RPS6KC1: variants seen among roughly 807,000 people sequenced by gnomAD.
The protein encoded by RPS6KC1 is inactive ribosomal protein S6 kinase delta-1.
In RPS6KC1, 54 loss-of-function variants were observed where a neutral mutation model predicts 103.8. That is an observed-to-expected ratio of 0.52 (90% CI 0.42 to 0.65). The LOEUF (loss-of-function observed/expected upper bound fraction) is 0.65. Among genes scored for constraint, RPS6KC1 ranks in the 30% least tolerant of loss-of-function variants. The pLI is 0.00. For synonymous variants in RPS6KC1, 439 were observed against 438.7 expected (o/e 1.00, Z -0.01); for missense variants, 1,151 against 1,253.8 (o/e 0.92, Z 1.24).
the RPS6KC1 span, among the ~76,000 whole-genome samples, chr1:213,495,432 C>T: frequency 5.3e-5 from 8 of 152,168 alleles, no homozygotes; most frequent in Non-Finnish European, 8.8e-5. Context: ...AGCGATTCTC[C>T]TGCCTCAGCC....
chr1:213,075,976 C>T (rs570723238), intron 2 of RPS6KC1, among the ~76,000 whole-genome samples: 1 of 152,260 alleles, frequency 6.6e-6, no homozygotes, highest in Non-Finnish European at 1.5e-5. Flanking sequence ...TGGACTGCCC[C>T]TCTCAGCATT....
chr1:213,827,573 A>G, the RPS6KC1 span, among the ~76,000 whole-genome samples: 1 of 152,254 alleles, frequency 6.6e-6, no homozygotes, highest in African/African-American at 2.4e-5. Context: ...TTCAAAGAAA[A>G]AAAAAAGTTG....
chr1:213,544,494 T>A, the RPS6KC1 span, among the ~76,000 whole-genome samples: 1 of 152,232 alleles, frequency 6.6e-6, no homozygotes. Context: ...CAGGGCATGC[T>A]GTGGCTGTTT....
At chr1:213,244,219 C>T (rs1320048296) in intron 12 of RPS6KC1, among the ~76,000 whole-genome samples, 1 of 151,346 alleles carries the variant, frequency 6.6e-6, no homozygotes, top group East Asian at 1.9e-4. Context: ...ACCAGATCCT[C>T]CCCACTTTCT....
At chr1:213,668,284 C>T in the RPS6KC1 span, among the ~76,000 whole-genome samples, 2 of 150,516 alleles carry the variant, frequency 1.3e-5, no homozygotes, top group Non-Finnish European at 2.9e-5. Context: ...TCATGGGCTG[C>T]AGAATGTTTT....
the RPS6KC1 span, among the ~76,000 whole-genome samples, chr1:213,726,226 C>T: frequency 6.6e-6 from 1 of 152,166 alleles, no homozygotes; most frequent in African/African-American, 2.4e-5. Context: ...TCTGGGACTA[C>T]AGGTGCACGC....
chr1:213,734,901 T>TTTG, the RPS6KC1 span, among the ~76,000 whole-genome samples: 6 of 151,026 alleles, frequency 4.0e-5, no homozygotes, highest in South Asian at 2.1e-4. Context: ...GTCAAGTGAG[T>TTTG]TTGTTGTTGT....
the RPS6KC1 span, among the ~76,000 whole-genome samples, chr1:213,767,155 G>A: frequency 1.1e-4 from 17 of 151,992 alleles, no homozygotes; most frequent in Non-Finnish European, 1.9e-4. Flanking sequence ...ATCACTTCCC[G>A]ACTAAGCTTC....
the RPS6KC1 span, among the ~76,000 whole-genome samples, chr1:213,541,094 A>G: frequency 1.2e-4 from 7 of 58,702 alleles, no homozygotes; most frequent in African/African-American, 3.2e-4. Context: ...GGGGTTTGGA[A>G]TCAACTTCAT....
At chr1:213,461,800 C>T in the RPS6KC1 span, among the ~76,000 whole-genome samples, 11 of 152,270 alleles carry the variant, frequency 7.2e-5, no homozygotes, top group South Asian at 6.2e-4. Flanking sequence ...AAACGTAAGA[C>T]CTGAAACAAT....
chr1:213,067,348 G>A lies in RPS6KC1; in HGVS notation c.106-3658G>A, dbSNP rs530273710. ...GGCCTGAGGGCCCTTTCCTGAAGAA[G>A]GAACTCTGATAAAACAAATGTTAAG... is the stretch of plus-strand genomic sequence containing the variant. On this transcript the variant is annotated intron_variant, in intron 1 of 14. Coordinates refer to ENST00000366960, the MANE Select transcript of RPS6KC1 (RefSeq NM_012424.6). Among the ~76,000 whole-genome samples the A allele has an allele frequency of 6.6e-5, 10 of 152,342 alleles. No homozygotes were observed. The South Asian group carries it at 2.1e-3, about 32-fold the overall frequency.
chr1:213,524,357 A>G, the RPS6KC1 span, among the ~76,000 whole-genome samples: 8 of 151,738 alleles, frequency 5.3e-5, no homozygotes, highest in African/African-American at 1.9e-4. Flanking sequence ...ACAAGGTCAT[A>G]TGGATCTCAT....
the RPS6KC1 span, among the ~76,000 whole-genome samples, chr1:213,463,653 G>A: frequency 6.6e-6 from 1 of 152,218 alleles, no homozygotes; most frequent in South Asian, 2.1e-4. Flanking sequence ...TCTCTGCTAG[G>A]TTTTTTGAGG....
At chr1:213,593,763 G>T in the RPS6KC1 span, among the ~76,000 whole-genome samples, 1 of 152,178 alleles carries the variant, frequency 6.6e-6, no homozygotes, top group African/African-American at 2.4e-5. Context: ...AGTGGAGGAA[G>T]TCAGTAGGCA....
chr1:213,630,317 G>A, the RPS6KC1 span, among the ~76,000 whole-genome samples: 4 of 151,952 alleles, frequency 2.6e-5, no homozygotes, highest in African/African-American at 4.8e-5. Context: ...TTCTCACTTC[G>A]TTTCATTCAT....
intron 4 of RPS6KC1, among the ~76,000 whole-genome samples, chr1:213,110,844 G>C (rs760590202): frequency 6.6e-6 from 1 of 151,978 alleles, no homozygotes; most frequent in Admixed American, 6.6e-5. Flanking sequence ...CCTGCTGTCT[G>C]GTCTTTTCCT....
chr1:213,657,262 A>G, the RPS6KC1 span, among the ~76,000 whole-genome samples: 1 of 152,168 alleles, frequency 6.6e-6, no homozygotes, highest in African/African-American at 2.4e-5. Context: ...GGGAGTGTAA[A>G]AAAAGATAAG....
At chr1:213,644,572 T>C in the RPS6KC1 span, among the ~76,000 whole-genome samples, 2 of 152,070 alleles carry the variant, frequency 1.3e-5, no homozygotes, top group African/African-American at 2.4e-5. Context: ...CTTTTTACTG[T>C]CTCCATAGTT....
chr1:213,231,769 T>G (rs2148867690), intron 9 of RPS6KC1, among the ~76,000 whole-genome samples: 1 of 152,352 alleles, frequency 6.6e-6, no homozygotes, highest in South Asian at 2.1e-4. Context: ...GGTCTTACAA[T>G]GTCTACTGCT....
Sources: gnomAD v4.1 joint callset for allele counts (sites outside exome capture counted in the v4.1 genomes callset) on GRCh38, gnomAD v4.1.1 for gene constraint, MANE v1.5 for transcripts, NCBI Gene and HGNC (gene_info 2026-07-23, HGNC 2026-07-21) for gene names.